STK33: variants seen among roughly 807,000 people sequenced by gnomAD.
The protein encoded by STK33 is serine/threonine-protein kinase 33.
STK33 carries 52 observed loss-of-function variants against 58.0 expected under a neutral mutation model. That is an observed-to-expected ratio of 0.90 (90% CI 0.72 to 1.13). The LOEUF is 1.13. Ranked by LOEUF, STK33 falls within the 50% of genes most tolerant of loss-of-function variation. The pLI, the probability that STK33 is intolerant of heterozygous loss-of-function variation, is 0.00. For synonymous variants in STK33, 215 were observed against 200.1 expected, an observed-to-expected ratio of 1.07 and a Z score of -0.63; for missense variants, 630 against 604.2, an observed-to-expected ratio of 1.04 and a Z score of -0.45.
intron 1 of STK33, among the ~76,000 whole-genome samples, chr11:8,578,068 T>C (rs1958311608): frequency 6.6e-6 from 1 of 152,102 alleles, no homozygotes; most frequent in Admixed American, 6.6e-5. Flanking sequence ...AACTATGCCA[T>C]AATCTTCTCT....
At chr11:8,575,233 C>A (rs1456758335) in intron 1 of STK33, among the ~76,000 whole-genome samples, 1 of 152,186 alleles carries the variant, frequency 6.6e-6, no homozygotes, top group Non-Finnish European at 1.5e-5. Flanking sequence ...ACATGACCAG[C>A]AATTCTACTC....
the STK33 span, among the ~76,000 whole-genome samples, chr11:8,339,603 G>A: frequency 5.3e-5 from 8 of 152,252 alleles, no homozygotes; most frequent in Non-Finnish European, 1.2e-4. Context: ...GGCGGCAGAG[G>A]CGCCCGGCTG....
At chr11:8,506,513 T>G (rs931406718) in intron 1 of STK33, among the ~76,000 whole-genome samples, 2 of 152,076 alleles carry the variant, frequency 1.3e-5, no homozygotes, top group Non-Finnish European at 1.5e-5. Context: ...TCTGGAGGCT[T>G]TAGGAGAGAA....
chr11:8,476,953 GTATAT>G (rs1190377042), intron 3 of STK33, among the ~76,000 whole-genome samples: 2 of 152,048 alleles, frequency 1.3e-5, no homozygotes, highest in Admixed American at 6.5e-5. Flanking sequence ...AATGTATATA[GTATAT>G]TATAAGATTA....
chr11:8,475,783 A>AG (rs764643931), intron 4 of STK33: 4 of 152,216 alleles, frequency 2.6e-5, no homozygotes, highest in Non-Finnish European at 5.9e-5. Flanking sequence ...GTACATATAA[A>AG]GGAGTACTTT....
In STK33 at chr11:8,412,490, T is replaced by A. The variant is rs78808103; in HGVS notation, c.1344+1005A>T. ...CACTAAATCAAAATCAATGAATAGA[T>A]CATGTTACCATGTCCCTTTCTGTAA... On this transcript the variant is annotated intron_variant, in intron 15 of 15. Transcript: ENST00000687296. 9.1e-4 allele frequency among the ~76,000 whole-genome samples: 138 copies of A among 152,294 alleles called. 3 individuals carry two copies. The East Asian group carries it at 0.021, about 23-fold the overall frequency.
At chr11:8,460,018 A>C (rs962099863) in intron 8 of STK33, among the ~76,000 whole-genome samples, 2 of 152,224 alleles carry the variant, frequency 1.3e-5, no homozygotes, top group Non-Finnish European at 2.9e-5. Context: ...ACAGGAAAAA[A>C]TTAGTCCTAA....
At chr11:8,516,257 A>G (rs944750398) in intron 1 of STK33, among the ~76,000 whole-genome samples, 3 of 152,230 alleles carry the variant, frequency 2.0e-5, no homozygotes, top group African/African-American at 4.8e-5. Flanking sequence ...ACCCATGCAT[A>G]TATAGTCAAC....
intron 1 of STK33, among the ~76,000 whole-genome samples, chr11:8,493,986 C>A (rs11041951): frequency 0.55 from 83,525 of 151,978 alleles, 23,321 homozygotes; most frequent in African/African-American, 0.65. Flanking sequence ...CCCACAGCCA[C>A]TATCATACTG....
intron 1 of STK33, among the ~76,000 whole-genome samples, chr11:8,553,199 G>A (rs1469436672): frequency 0.014 from 871 of 60,550 alleles, 24 homozygotes; most frequent in Non-Finnish European, 0.017. Flanking sequence ...TATATATATG[G>A]TGTATATATA....
At chr11:8,350,860 G>A in the STK33 span, among the ~76,000 whole-genome samples, 2 of 152,144 alleles carry the variant, frequency 1.3e-5, no homozygotes, top group African/African-American at 4.8e-5. Flanking sequence ...AAGTGACTGG[G>A]ACCTTCAGTT....
intron 6 of STK33, among the ~76,000 whole-genome samples, chr11:8,467,900 G>A (rs928750605): frequency 2.6e-5 from 4 of 151,536 alleles, no homozygotes; most frequent in African/African-American, 7.3e-5. Flanking sequence ...AGCTGAGATC[G>A]CACCACTGCA....
Position 8,436,016 on chromosome 11 carries a change from T to C in STK33, c.1060+11A>G. On this transcript the variant is annotated intron_variant, in intron 13 of 15. Coordinates refer to ENST00000687296, the MANE Select transcript of STK33 (RefSeq NM_001352389.2). ...ATTAGCTTTAGTAAATAATAACGCA[T>C]CTATACTTACCACAGTCACTTATGG... 1 of 1,511,602 alleles carries C rather than the reference T, an allele frequency of 6.6e-7. No individual in the cohort carries two copies. Among genetic ancestry groups the C allele is most frequent in the South Asian group, 1.3e-5 (1 of 77,306 alleles). The allele number at this position is 1,511,602 out of a possible 1,614,324, so 93.6% of individuals were successfully genotyped here.
At chr11:8,346,637 G>A in the STK33 span, among the ~76,000 whole-genome samples, 11 of 152,190 alleles carry the variant, frequency 7.2e-5, no homozygotes, top group East Asian at 3.9e-4. Context: ...TCATTCTGGC[G>A]ACAGCCTCAT....
At chr11:8,554,350 T>C (rs181480336) in intron 1 of STK33, among the ~76,000 whole-genome samples, 15 of 148,272 alleles carry the variant, frequency 1.0e-4, no homozygotes, top group Non-Finnish European at 1.5e-4. Context: ...ATCCGGGAGG[T>C]TGAGGGTACA....
chr11:8,452,233 C>T (rs1400706864), intron 11 of STK33, among the ~76,000 whole-genome samples: 6 of 151,896 alleles, frequency 4.0e-5, no homozygotes, highest in African/African-American at 1.5e-4. Flanking sequence ...AAAACATGCA[C>T]ATGATTTTAA....
chr11:8,502,243 C>CG (rs1483218155), intron 1 of STK33, among the ~76,000 whole-genome samples: 2 of 152,034 alleles, frequency 1.3e-5, no homozygotes, highest in Non-Finnish European at 1.5e-5. Context: ...AACTATACTA[C>CG]GGGGCTACAG....
intron 11 of STK33, among the ~76,000 whole-genome samples, chr11:8,445,234 C>T (rs970780166): frequency 9.2e-5 from 14 of 152,106 alleles, no homozygotes; most frequent in Non-Finnish European, 1.8e-4. Context: ...GATTTTGTAT[C>T]CTGAGACTTT....
the STK33 span, among the ~76,000 whole-genome samples, chr11:8,365,331 G>A: frequency 1.3e-5 from 2 of 152,110 alleles, no homozygotes; most frequent in African/African-American, 4.8e-5. Flanking sequence ...GAAGCTGACG[G>A]GGACCTTCCC....
Sources: allele counts gnomAD v4.1 joint callset (sites outside exome capture counted in the v4.1 genomes callset), GRCh38; gene constraint gnomAD v4.1.1; transcripts MANE v1.5; gene names NCBI Gene and HGNC (gene_info 2026-07-23, HGNC 2026-07-21).